Variants in SEMA6D observed in about 807,000 individuals in gnomAD.
SEMA6D encodes the protein semaphorin 6D.
Under a neutral mutation model 106.6 loss-of-function variants are expected in SEMA6D, and 35 were observed. The ratio of observed to expected loss-of-function variants is 0.33; its 90% CI spans 0.25 to 0.44. The LOEUF (loss-of-function observed/expected upper bound fraction) is 0.44, where lower values mean the gene tolerates loss of function less well. SEMA6D is among the 20% of genes least tolerant of loss of function. The pLI is 1.00. For synonymous variants in SEMA6D, 499 were observed against 487.7 expected (o/e 1.02, Z -0.31); for missense variants, 1,185 against 1,345.9 (o/e 0.88, Z 1.87).
At chr15:47,697,798 C>T (rs1327860016) in intron 4 of SEMA6D, among the ~76,000 whole-genome samples, 2 of 152,196 alleles carry the variant, frequency 1.3e-5, no homozygotes, top group Non-Finnish European at 1.5e-5. Context: ...CCGCCTTAGG[C>T]GAAGGGCTTA....
At chr15:47,373,833 G>T (rs116640532) in intron 1 of SEMA6D, among the ~76,000 whole-genome samples, 1 of 152,172 alleles carries the variant, frequency 6.6e-6, no homozygotes, top group South Asian at 2.1e-4. Context: ...AGTTTCCCTA[G>T]CTTTTGAACA....
intron 1 of SEMA6D, among the ~76,000 whole-genome samples, chr15:47,393,817 G>A (rs2040119342): frequency 6.6e-6 from 1 of 152,270 alleles, no homozygotes; most frequent in South Asian, 2.1e-4. Flanking sequence ...TATTAACAAT[G>A]TTGTCATTGT....
chr15:47,671,257 G>A (rs1210458087), intron 4 of SEMA6D, among the ~76,000 whole-genome samples: 1 of 152,110 alleles, frequency 6.6e-6, no homozygotes, highest in Non-Finnish European at 1.5e-5. Flanking sequence ...GCAACATAGG[G>A]TTTCCAAGAG....
chr15:47,697,009 A>G (rs145490125), intron 4 of SEMA6D, among the ~76,000 whole-genome samples: 51 of 152,284 alleles, frequency 3.3e-4, no homozygotes, highest in African/African-American at 1.2e-3. Flanking sequence ...CTAGGCCTCT[A>G]CTGCAATGGG....
intron 1 of SEMA6D, among the ~76,000 whole-genome samples, chr15:47,265,127 G>T (rs1224222201): frequency 6.6e-6 from 1 of 151,984 alleles, no homozygotes; most frequent in East Asian, 1.9e-4. Context: ...AGGCCTAAAG[G>T]AGTTAGCTGG....
chr15:47,529,032 A>G lies in SEMA6D; in HGVS notation c.-87+58487A>G, dbSNP rs370512374. 6.6e-5 allele frequency among the ~76,000 whole-genome samples: 10 copies of G among 152,348 alleles called. No homozygotes were observed. In the South Asian group the frequency reaches 1.2e-3, roughly 19 times the overall value. The stretch of plus-strand genomic sequence containing the variant: ...TATTAAAAAATAATAAGGGTGAGAA[A>G]ATATAGTCTTATCAATAACATAAAT... On this transcript the variant is annotated intron_variant, in intron 3 of 19. Transcript: ENST00000558014.
intron 1 of SEMA6D, among the ~76,000 whole-genome samples, chr15:47,394,167 C>T (rs2040132047): frequency 6.6e-6 from 1 of 152,138 alleles, no homozygotes; most frequent in Admixed American, 6.6e-5. Flanking sequence ...GGGTAGCTTT[C>T]TTGGTCTATC....
intron 3 of SEMA6D, among the ~76,000 whole-genome samples, chr15:47,545,211 G>C (rs2045482277): frequency 1.3e-5 from 2 of 152,106 alleles, no homozygotes; most frequent in South Asian, 4.1e-4. Context: ...ACATCAATCT[G>C]CTTTGATTGA....
chr15:47,375,174 G>A (rs1595860492), intron 1 of SEMA6D, among the ~76,000 whole-genome samples: 1 of 152,164 alleles, frequency 6.6e-6, no homozygotes, highest in Non-Finnish European at 1.5e-5. Flanking sequence ...TAGATGCTCT[G>A]AAAACAAAAT....
intron 1 of SEMA6D, among the ~76,000 whole-genome samples, chr15:47,187,443 T>C (rs1893659486): frequency 6.6e-6 from 1 of 152,190 alleles, no homozygotes; most frequent in Non-Finnish European, 1.5e-5. Context: ...TTAAACGTAC[T>C]GTCTTTTTGC....
At chr15:47,187,049 C>T (rs1893625999) in intron 1 of SEMA6D, among the ~76,000 whole-genome samples, 1 of 152,014 alleles carries the variant, frequency 6.6e-6, no homozygotes, top group Non-Finnish European at 1.5e-5. Context: ...CTGTAGGCCT[C>T]CTGGCCATTC....
chr15:47,599,886 T>C (rs1320331234), intron 3 of SEMA6D, among the ~76,000 whole-genome samples: 2 of 152,108 alleles, frequency 1.3e-5, no homozygotes, highest in Admixed American at 1.3e-4. Context: ...AGTTGTTTGC[T>C]AAATACTTTC....
intron 1 of SEMA6D, among the ~76,000 whole-genome samples, chr15:47,409,096 C>G (rs2040696888): frequency 6.6e-6 from 1 of 152,230 alleles, no homozygotes; most frequent in Non-Finnish European, 1.5e-5. Context: ...TTTAGAATAG[C>G]AATTCTCCTG....
At chr15:47,280,332 T>C (rs959897434) in intron 1 of SEMA6D, among the ~76,000 whole-genome samples, 186 of 151,836 alleles carry the variant, frequency 1.2e-3, no homozygotes, top group African/African-American at 4.3e-3. Context: ...TTTGTAGTAT[T>C]CTCTGATGGT....
chr15:47,411,029 G>A (rs1360302599), intron 1 of SEMA6D, among the ~76,000 whole-genome samples: 1 of 152,004 alleles, frequency 6.6e-6, no homozygotes, highest in Non-Finnish European at 1.5e-5. Flanking sequence ...GGTGGACACG[G>A]TGTAGGGTAT....
At chr15:47,341,854 C>T (rs573704376) in intron 1 of SEMA6D, among the ~76,000 whole-genome samples, 1 of 152,160 alleles carries the variant, frequency 6.6e-6, no homozygotes, top group Non-Finnish European at 1.5e-5. Context: ...ATAGTGAGCT[C>T]ATTTTTAGTT....
intron 3 of SEMA6D, among the ~76,000 whole-genome samples, chr15:47,760,752 G>A (rs1055098744): frequency 3.9e-5 from 6 of 152,132 alleles, no homozygotes; most frequent in Admixed American, 2.6e-4. Flanking sequence ...CCAAGTAGCA[G>A]TTTGACCCAT....
intron 1 of SEMA6D, among the ~76,000 whole-genome samples, chr15:47,387,081 C>T: frequency 1.3e-5 from 2 of 152,282 alleles, no homozygotes; most frequent in Admixed American, 1.3e-4. Flanking sequence ...ATCAGAATAA[C>T]TCAAAGTCAG....
At chr15:47,403,547 A>G (rs1427368689) in intron 1 of SEMA6D, among the ~76,000 whole-genome samples, 1 of 152,238 alleles carries the variant, frequency 6.6e-6, no homozygotes, top group Non-Finnish European at 1.5e-5. Context: ...AGTAAGACTC[A>G]TGAGCTAATA....
Sources: gnomAD v4.1 joint callset for allele counts (sites outside exome capture counted in the v4.1 genomes callset) on GRCh38, gnomAD v4.1.1 for gene constraint, MANE v1.5 for transcripts, NCBI Gene and HGNC (gene_info 2026-07-23, HGNC 2026-07-21) for gene names.